The following TMCO6 variants were observed in gnomAD, a reference collection of about 807,000 sequenced individuals.
The protein encoded by TMCO6 is transmembrane and coiled-coil domains 6, also known as transmembrane and coiled-coil domain-containing protein 6.
Under a neutral mutation model 61.8 loss-of-function variants are expected in TMCO6, and 47 were observed. That is an observed-to-expected ratio of 0.76 (90% CI 0.60 to 0.97). The LOEUF (loss-of-function observed/expected upper bound fraction) is 0.97. Among genes scored for constraint, TMCO6 ranks in the 50% least tolerant of loss-of-function variants. The pLI is 0.00. For synonymous variants in TMCO6, 261 were observed against 254.2 expected, an observed-to-expected ratio of 1.03 and a Z score of -0.25; for missense variants, 557 against 601.6, an observed-to-expected ratio of 0.93 and a Z score of 0.78.
the TMCO6 span, among the ~76,000 whole-genome samples, chr5:140,627,977 T>C: frequency 6.6e-6 from 1 of 151,238 alleles, no homozygotes; most frequent in Non-Finnish European, 1.5e-5. Flanking sequence ...GCAGATATTG[T>C]TGTTGAGGAT....
the TMCO6 span, among the ~76,000 whole-genome samples, chr5:140,621,892 G>A: frequency 3.9e-5 from 6 of 152,014 alleles, no homozygotes; most frequent in South Asian, 2.1e-4. Context: ...GGAAATTTAC[G>A]CCTAATAAAT....
downstream of TMCO6, chr5:140,645,502 TAGG>T (rs1276132669): frequency 2.6e-6 from 4 of 1,531,264 alleles, no homozygotes; most frequent in Middle Eastern, 2.2e-4. Context: ...TTATGAGGAA[TAGG>T]AGAACACATT....
At chr5:140,613,375 G>A in the TMCO6 span, among the ~76,000 whole-genome samples, 1 of 113,006 alleles carries the variant, frequency 8.8e-6, no homozygotes, top group Non-Finnish European at 1.7e-5. Flanking sequence ...GCAACAGAGT[G>A]AGACTCTGAC....
At chr5:140,642,762 A>G in intron 6 of TMCO6, 91 bp downstream of exon 6, 1 of 1,582,714 alleles carries the variant, frequency 6.3e-7, no homozygotes, top group Non-Finnish European at 8.7e-7. Flanking sequence ...AAGCTGTTGC[A>G]CATTTTAAAT....
chr5:140,625,112 A>G, the TMCO6 span, among the ~76,000 whole-genome samples: 32 of 152,052 alleles, frequency 2.1e-4, 1 homozygote, highest in Admixed American at 1.8e-3. Context: ...TTGGCCTCCC[A>G]AAGTGCCAGG....
chr5:140,644,261 C>A lies in TMCO6; in HGVS notation c.1200+67C>A, dbSNP rs529539084. ...ATTGTATGGGACAGCAGTCCTGAGCCCTCAGATGTACCCTTAGTTGAGAGC... is the reference window on the plus strand; with the variant it reads ...ATTGTATGGGACAGCAGTCCTGAGCACTCAGATGTACCCTTAGTTGAGAGC... On this transcript the variant is annotated intron_variant, in intron 10 of 11. Coordinates refer to ENST00000394671, the MANE Select transcript of TMCO6 (RefSeq NM_018502.5). 14 of 1,525,728 alleles carry A rather than the reference C, an allele frequency of 9.2e-6. No individual in the cohort carries two copies. The African/African-American group carries it at 9.6e-5, about 10-fold the overall frequency. 94.5% of individuals were successfully genotyped at this position (1,525,728 alleles called of 1,614,324 possible).
At chr5:140,629,650 C>T in the TMCO6 span, among the ~76,000 whole-genome samples, 1 of 152,054 alleles carries the variant, frequency 6.6e-6, no homozygotes, top group African/African-American at 2.4e-5. Context: ...GATAGTCAAC[C>T]TGGCTGGGTG....
intron 4 of TMCO6, 59 bp downstream of exon 4, chr5:140,642,112 G>C (rs917912280): frequency 6.4e-7 from 1 of 1,567,472 alleles, no homozygotes; most frequent in Admixed American, 1.7e-5. Context: ...GTGCTTTTGG[G>C]ACCAGTTTGA....
At chr5:140,642,807 A>ACAC in intron 6 of TMCO6, 118 bp from the exon 7 acceptor site, 2 of 1,595,504 alleles carry the variant, frequency 1.3e-6, no homozygotes, top group Non-Finnish European at 1.7e-6. Context: ...TTGGGTTTGG[A>ACAC]CACTTTCCCA....
In TMCO6 at chr5:140,639,521, C is replaced by T; in HGVS notation, c.-7C>T. On this transcript the variant is annotated 5_prime_UTR_variant, in exon 1 of 12. Transcript: ENST00000394671. ...GTTTCCTTCGGCTTTCCTCCTCCTG[C>T]TCCACCATGTGGAGCCGACGGCAGG... The T allele has an allele frequency of 1.9e-6, 3 of 1,549,754 alleles. No homozygotes were observed. The highest frequency in any genetic ancestry group is 2.6e-6 in the Non-Finnish European group (3 of 1,146,586).
chr5:140,634,953 T>C (rs1056646979), upstream of TMCO6, among the ~76,000 whole-genome samples: 1 of 151,974 alleles, frequency 6.6e-6, no homozygotes, highest in Non-Finnish European at 1.5e-5. Context: ...CGGCTAATTT[T>C]GTATTTTTAG....
the TMCO6 span, among the ~76,000 whole-genome samples, chr5:140,606,804 C>T: frequency 6.6e-6 from 1 of 152,080 alleles, no homozygotes; most frequent in Non-Finnish European, 1.5e-5. Flanking sequence ...TGGCATGCGC[C>T]TGTAGTCCCA....
At chr5:140,626,233 CT>C in the TMCO6 span, among the ~76,000 whole-genome samples, 4 of 149,202 alleles carry the variant, frequency 2.7e-5, no homozygotes, top group Non-Finnish European at 3.0e-5. Flanking sequence ...GCCCAGTCTT[CT>C]TTTTTTTTTG....
chr5:140,613,416 A>T, the TMCO6 span, among the ~76,000 whole-genome samples: 1 of 133,640 alleles, frequency 7.5e-6, no homozygotes, highest in South Asian at 2.3e-4. Flanking sequence ...AAAAAAAAAA[A>T]TGGTGGCAGG....
chr5:140,632,950 G>C, the TMCO6 span: 1 of 1,614,124 alleles, frequency 6.2e-7, no homozygotes, highest in Non-Finnish European at 8.5e-7. The surrounding 1 kb of genome is among the most constrained non-coding windows in gnomAD (Gnocchi z 6.2). Context: ...ACCAGCGGCA[G>C]CAGCAGCAGC....
At chr5:140,633,156 C>G in the TMCO6 span, 1 of 1,563,860 alleles carries the variant, frequency 6.4e-7, no homozygotes, top group South Asian at 1.1e-5. Context: ...CACCCGCCGG[C>G]TTCCAGGCTT....
Position 140,645,070 on chromosome 5 carries a change from C to A in TMCO6, c.1454C>A (p.Ala485Asp). ...EEAQLQDRVYALQQTALQG is the reference protein window; with the variant it reads ...EEAQLQDRVYDLQQTALQG ...GCCCAGCTCCAGGATCGTGTGTATG[C>A]TCTCCAGCAGACAGCTCTTCAAGGG... Residue 485 changes from alanine (A) to aspartate (D), a missense_variant, in exon 12 of 12, where the codon GCT (alanine) becomes GAT (aspartate). Transcript: ENST00000394671. 1 of 1,614,216 alleles carries A rather than the reference C, an allele frequency of 6.2e-7. No homozygotes were observed. The highest frequency in any genetic ancestry group is 8.5e-7 in the Non-Finnish European group (1 of 1,180,028).
chr5:140,637,846 GC>G (rs1189628534), upstream of TMCO6, among the ~76,000 whole-genome samples: 4 of 151,758 alleles, frequency 2.6e-5, no homozygotes, highest in East Asian at 1.9e-4. Context: ...TAAGCTGGAA[GC>G]CCCCCACCGC....
In TMCO6 at chr5:140,643,794, G is replaced by A. The variant is rs371996906; in HGVS notation, c.933G>A (p.Val311=). ...DAGLELLACP[V]LRCLSNLLTE... Reference sequence around the variant, plus strand: ...TGTCTTTGCAGCTGGCATGCCCCGTGCTTCGATGTCTAAGCAACCTGCTAA... The same window carrying A: ...TGTCTTTGCAGCTGGCATGCCCCGTACTTCGATGTCTAAGCAACCTGCTAA... Residue 311 remains valine, a synonymous_variant, in exon 9 of 12, where the codon GTG becomes GTA. Coordinates refer to ENST00000394671, the MANE Select transcript of TMCO6 (RefSeq NM_018502.5). 58 of 1,614,126 alleles carry A rather than the reference G, an allele frequency of 3.6e-5. No homozygotes were observed. In the Admixed American group the frequency reaches 5.8e-4, roughly 16 times the overall value.
Sources: gnomAD v4.1 joint callset for allele counts (sites outside exome capture counted in the v4.1 genomes callset) on GRCh38, gnomAD v4.1.1 for gene constraint, Gnocchi (gnomAD v3.1) non-coding constraint, MANE v1.5 for transcripts, NCBI Gene and HGNC (gene_info 2026-07-23, HGNC 2026-07-21) for gene names.